The following IQANK1 variants were observed in gnomAD, a reference collection of about 807,000 sequenced individuals.
IQANK1 encodes IQ motif and ankyrin repeat containing 1.
Under a neutral mutation model 22.6 loss-of-function variants are expected in IQANK1, and 30 were observed. That is an observed-to-expected ratio of 1.33 (90% CI 0.99 to 1.80). The LOEUF (loss-of-function observed/expected upper bound fraction) is 1.80. Ranked by LOEUF, IQANK1 falls within the 40% of genes most tolerant of loss-of-function variation. IQANK1 has a pLI of 0.00. For synonymous variants in IQANK1, 122 were observed against 99.6 expected, an observed-to-expected ratio of 1.23 and a Z score of -1.34; for missense variants, 275 against 235.2, an observed-to-expected ratio of 1.17 and a Z score of -1.11.
At chr8:143,746,701 A>T (rs1264791246) in intron 3 of IQANK1, among the ~76,000 whole-genome samples, 1 of 151,978 alleles carries the variant, frequency 6.6e-6, no homozygotes, top group Non-Finnish European at 1.5e-5. Flanking sequence ...GAGATGTTTG[A>T]TTACTGATTT....
At chr8:143,762,806 A>C (rs1819418963) in intron 3 of IQANK1, among the ~76,000 whole-genome samples, 1 of 152,164 alleles carries the variant, frequency 6.6e-6, no homozygotes, top group Admixed American at 6.5e-5. Context: ...ATTCCCCAAA[A>C]CCATCATTTT....
At chr8:143,750,907 T>G (rs782380259) in intron 3 of IQANK1, among the ~76,000 whole-genome samples, 5 of 152,078 alleles carry the variant, frequency 3.3e-5, no homozygotes, top group African/African-American at 1.2e-4. Flanking sequence ...GCCATATAAC[T>G]TTTTTTGTCC....
chr8:143,739,618 C>A, intron 2 of IQANK1: 1 of 418,922 alleles, frequency 2.4e-6, no homozygotes, highest in Non-Finnish European at 4.2e-6. Flanking sequence ...GCCCAGGTGC[C>A]TTCCTGCGGG....
At chr8:143,748,030 T>C (rs1819069181) in intron 3 of IQANK1, among the ~76,000 whole-genome samples, 1 of 150,722 alleles carries the variant, frequency 6.6e-6, no homozygotes, top group African/African-American at 2.5e-5. Context: ...GTTTCACTCC[T>C]GTCACCCAGG....
At chr8:143,788,594 C>T (rs1354418104) in intron 7 of IQANK1, among the ~76,000 whole-genome samples, 2 of 152,240 alleles carry the variant, frequency 1.3e-5, no homozygotes, top group African/African-American at 4.8e-5. Context: ...TTGAGTCTGA[C>T]AGAGGCGGGA....
chr8:143,760,937 A>G (rs1819383525), intron 3 of IQANK1, among the ~76,000 whole-genome samples: 1 of 152,036 alleles, frequency 6.6e-6, no homozygotes, highest in Admixed American at 6.5e-5. Context: ...CATGGGGTCG[A>G]CTTTGGACTT....
At position 143,774,075 on chromosome 8, in the gene IQANK1, A is replaced by C. The variant is rs1819636803; in HGVS notation, c.789+1593A>C. Among the ~76,000 whole-genome samples the C allele has an allele frequency of 6.6e-6, 1 of 152,084 alleles. No homozygotes were observed. Among genetic ancestry groups the C allele is most frequent in the Admixed American group, 6.5e-5 (1 of 15,268 alleles). On this transcript the variant is annotated intron_variant, in intron 7 of 13. Coordinates refer to ENST00000527139, the MANE Select transcript of IQANK1 (RefSeq NM_001381874.1). The surrounding 1 kb of genome is among the most constrained non-coding windows in gnomAD (Gnocchi z 4.2). ...AACTCAAAGTGGATTATAGATTTAA[A>C]TGTAAAGGGTAAAATTACAAAACTT...
intron 7 of IQANK1, among the ~76,000 whole-genome samples, chr8:143,777,520 TA>T (rs58155811): frequency 0.27 from 26,993 of 98,408 alleles, 2,811 homozygotes; most frequent in East Asian, 0.53. Flanking sequence ...GACTCCGTCT[TA>T]AAAAAAAAAA....
intron 2 of IQANK1, among the ~76,000 whole-genome samples, chr8:143,736,799 C>G (rs1402651083): frequency 5.3e-5 from 8 of 152,100 alleles, no homozygotes; most frequent in African/African-American, 1.2e-4. Context: ...CTCCCCCACC[C>G]CAGCCCCGCC....
In IQANK1 at chr8:143,790,417, G is replaced by A; in HGVS notation, c.1492G>A (p.Glu498Lys). 1.4e-6 allele frequency: 1 copy of A among 715,400 alleles called. No homozygotes were observed. Among genetic ancestry groups the A allele is most frequent in the Non-Finnish European group, 1.9e-6 (1 of 516,656 alleles). 44.3% of individuals were successfully genotyped at this position (715,400 alleles called of 1,614,324 possible). ...DLFPVVQRQL[E>K]AVQERYLSLL... is the part of the protein sequence containing the mutation. ...GTTCCCAGTCGTGCAGCGGCAGCTGGAGGCGGTGCAGGAGAGGTACCTGTC... is the reference window on the plus strand; with the variant it reads ...GTTCCCAGTCGTGCAGCGGCAGCTGAAGGCGGTGCAGGAGAGGTACCTGTC... The change falls in exon 14 of 14, where the codon GAG (glutamate) becomes AAG (lysine). Residue 498 changes from glutamate (E) to lysine (K), a missense_variant. Coordinates refer to ENST00000527139, the MANE Select transcript of IQANK1 (RefSeq NM_001381874.1).
intron 7 of IQANK1, among the ~76,000 whole-genome samples, chr8:143,773,167 C>T (rs1819613973): frequency 6.6e-6 from 1 of 152,084 alleles, no homozygotes; most frequent in Non-Finnish European, 1.5e-5. Flanking sequence ...ATTAGCTGGG[C>T]GTCGTGGCGC....
rs1225016883 is a variant in IQANK1, at chr8:143,759,235, C to A, written c.176-12253C>A. The A allele has an allele frequency of 1.3e-4, 24 of 183,022 alleles. No homozygotes were observed. The Admixed American group carries it at 1.4e-3, about 11-fold the overall frequency. The allele number at this position is 183,022 out of a possible 1,614,324, so 11.3% of individuals were successfully genotyped here. A position where few individuals can be genotyped will look rare whatever the true frequency, so the allele number is the denominator to read the frequency against. On this transcript the variant is annotated intron_variant, in intron 3 of 13. Transcript: ENST00000527139. ...ACACTAGGGCTGTGGACGTTACAGC[C>A]CTGCACCAGCAAATCCCTCCTCTCG...
intron 7 of IQANK1, among the ~76,000 whole-genome samples, chr8:143,781,364 G>A (rs1819795431): frequency 6.6e-6 from 1 of 152,120 alleles, no homozygotes; most frequent in South Asian, 2.1e-4. Context: ...TGTTTTGATT[G>A]CTTTTGGTGT....
chr8:143,763,563 G>T (rs533149141), intron 3 of IQANK1, among the ~76,000 whole-genome samples: 4 of 152,170 alleles, frequency 2.6e-5, no homozygotes, highest in Non-Finnish European at 5.9e-5. Context: ...GTTCCACTCC[G>T]TGAGCTCACA....
intron 2 of IQANK1, among the ~76,000 whole-genome samples, chr8:143,736,877 G>C (rs1554625752): frequency 6.6e-6 from 1 of 152,066 alleles, no homozygotes; most frequent in Non-Finnish European, 1.5e-5. Flanking sequence ...CACATTCCAG[G>C]TTGCAAATCT....
intron 3 of IQANK1, among the ~76,000 whole-genome samples, chr8:143,766,221 C>G (rs1819478157): frequency 1.3e-5 from 2 of 152,204 alleles, no homozygotes; most frequent in South Asian, 4.1e-4. Context: ...AGGTATGTTA[C>G]TAGTTCTCTA....
At chr8:143,776,699 G>A (rs1819692749) in intron 7 of IQANK1, among the ~76,000 whole-genome samples, 1 of 152,156 alleles carries the variant, frequency 6.6e-6, no homozygotes, top group South Asian at 2.1e-4. Flanking sequence ...AAGAACCCTA[G>A]AGACATGGAC....
At chr8:143,770,908 G>A (rs1819558653) in intron 3 of IQANK1, among the ~76,000 whole-genome samples, 2 of 152,344 alleles carry the variant, frequency 1.3e-5, no homozygotes, top group South Asian at 2.1e-4. Context: ...TGAGCCCGAC[G>A]CCCTCTCCTC....
chr8:143,751,664 GTATATA>G (rs71318622), intron 3 of IQANK1, among the ~76,000 whole-genome samples: 22 of 61,552 alleles, frequency 3.6e-4, no homozygotes, highest in African/African-American at 8.7e-4. Flanking sequence ...GTGTGTGTGT[GTATATA>G]TATATATAAA....
Sources: gnomAD v4.1 joint callset for allele counts (sites outside exome capture counted in the v4.1 genomes callset) on GRCh38, gnomAD v4.1.1 for gene constraint, Gnocchi (gnomAD v3.1) non-coding constraint, MANE v1.5 for transcripts, NCBI Gene and HGNC (gene_info 2026-07-23, HGNC 2026-07-21) for gene names.